Variants in ELMO1 observed in about 807,000 individuals in gnomAD.
The protein encoded by ELMO1 is engulfment and cell motility protein 1.
A neutral mutation model predicts 98.9 loss-of-function variants in ELMO1; 26 were observed. That is an observed-to-expected ratio of 0.26 (90% confidence interval 0.19 to 0.36). The LOEUF (loss-of-function observed/expected upper bound fraction) is 0.36, where lower values mean the gene tolerates loss of function less well. Ranked by LOEUF, ELMO1 falls within the 10% of genes least tolerant of loss-of-function variation. The pLI, the probability that ELMO1 is intolerant of heterozygous loss-of-function variation, is 1.00. For synonymous variants in ELMO1, 346 were observed against 346.0 expected (o/e 1.00, Z 0.00); for missense variants, 627 against 935.2 (o/e 0.67, Z 4.30).
intron 14 of ELMO1, among the ~76,000 whole-genome samples, chr7:37,120,793 G>A (rs1211126388): frequency 6.6e-6 from 1 of 152,204 alleles, no homozygotes; most frequent in Non-Finnish European, 1.5e-5. Context: ...CTCCCAGCAT[G>A]CAGCTTGAGA....
At chr7:37,312,668 C>G (rs1339781941) in intron 4 of ELMO1, among the ~76,000 whole-genome samples, 1 of 152,106 alleles carries the variant, frequency 6.6e-6, no homozygotes. Flanking sequence ...AGTCTGAGAA[C>G]CCCATCTTTA....
intron 1 of ELMO1, among the ~76,000 whole-genome samples, chr7:37,381,243 G>A (rs1432588127): frequency 6.6e-6 from 1 of 152,216 alleles, no homozygotes; most frequent in Non-Finnish European, 1.5e-5. Context: ...AGTGAGAACT[G>A]ATCCCAGATA....
intron 16 of ELMO1, among the ~76,000 whole-genome samples, chr7:36,933,985 G>C (rs1340512744): frequency 1.3e-5 from 2 of 152,194 alleles, no homozygotes; most frequent in Admixed American, 6.5e-5. Flanking sequence ...GTTTGGTATG[G>C]AAAGGTCTGA....
At chr7:37,103,177 G>A (rs1349966457) in intron 14 of ELMO1, among the ~76,000 whole-genome samples, 2 of 152,110 alleles carry the variant, frequency 1.3e-5, no homozygotes, top group South Asian at 2.1e-4. Context: ...TTACATAAAC[G>A]CTTGTTCCAA....
At chr7:37,440,858 A>C (rs1229853722) in intron 1 of ELMO1, among the ~76,000 whole-genome samples, 1 of 151,876 alleles carries the variant, frequency 6.6e-6, no homozygotes, top group African/African-American at 2.4e-5. Flanking sequence ...ACTGAGTGTT[A>C]TTGGAATTCA....
chr7:37,381,929 T>A lies in ELMO1; in HGVS notation c.-73-39166A>T, dbSNP rs141968122. Among the ~76,000 whole-genome samples the A allele has an allele frequency of 5.9e-3, 899 of 152,264 alleles. 16 individuals are homozygous for A. Among genetic ancestry groups the A allele is most frequent in the Non-Finnish European group, 4.1e-3 (277 of 68,030 alleles). On this transcript the variant is annotated intron_variant, in intron 1 of 21. Transcript: ENST00000310758. ...ATATTTTAAATTATATACTTTCAAG[T>A]TGACTCCTAAGGAGCCAAAAAGAAA...
chr7:37,087,246 A>G (rs888460669), intron 15 of ELMO1, among the ~76,000 whole-genome samples: 1 of 152,172 alleles, frequency 6.6e-6, no homozygotes, highest in Non-Finnish European at 1.5e-5. Flanking sequence ...TATTACCTAC[A>G]GTTTAAAATA....
chr7:37,358,359 T>G (rs1204799588), intron 1 of ELMO1, among the ~76,000 whole-genome samples: 2 of 152,160 alleles, frequency 1.3e-5, no homozygotes, highest in Non-Finnish European at 2.9e-5. Context: ...GACTCTATTG[T>G]GCCAAAACCA....
intron 2 of ELMO1, among the ~76,000 whole-genome samples, chr7:37,340,913 C>T (rs1800678512): frequency 6.6e-6 from 1 of 152,162 alleles, no homozygotes; most frequent in South Asian, 2.1e-4. Context: ...TTTACCAGAA[C>T]CACTAAATTA....
intron 15 of ELMO1, among the ~76,000 whole-genome samples, chr7:37,051,422 A>G (rs1796105792): frequency 1.3e-5 from 2 of 152,232 alleles, no homozygotes; most frequent in Non-Finnish European, 1.5e-5. Flanking sequence ...ATATTAAAAG[A>G]CTGGCTTAAA....
At chr7:37,265,079 C>T (rs767576202) in intron 5 of ELMO1, among the ~76,000 whole-genome samples, 3 of 152,122 alleles carry the variant, frequency 2.0e-5, no homozygotes, top group Non-Finnish European at 4.4e-5. Context: ...CTTTCTGCTG[C>T]CTCCCCTCCA....
chr7:37,103,893 A>G (rs981317309), intron 14 of ELMO1, among the ~76,000 whole-genome samples: 4 of 151,098 alleles, frequency 2.6e-5, no homozygotes, highest in African/African-American at 9.7e-5. Flanking sequence ...AGTCCCAGCT[A>G]CTTGGGAGGC....
At chr7:37,095,918 T>A (rs762531084) in intron 15 of ELMO1, among the ~76,000 whole-genome samples, 16 of 152,232 alleles carry the variant, frequency 1.1e-4, no homozygotes, top group Admixed American at 8.5e-4. Context: ...TTGGATGGAA[T>A]GGAAGTAAAC....
chr7:36,997,772 G>C (rs1792328997), intron 16 of ELMO1: 1 of 152,586 alleles, frequency 6.6e-6, no homozygotes, highest in African/African-American at 2.4e-5. Context: ...GAGGGCCTCA[G>C]GGAATGCCTG....
In ELMO1 at chr7:37,073,417, G is replaced by T. The variant is rs141332846; in HGVS notation, c.1300+23202C>A. On this transcript the variant is annotated intron_variant, in intron 15 of 21. Coordinates refer to ENST00000310758, the MANE Select transcript of ELMO1 (RefSeq NM_014800.11). ...GGATACAAATATAGATACAGTAGAG[G>T]CTAAAAGGGAACACATCACTATGCC... Among the ~76,000 whole-genome samples the T allele has an allele frequency of 9.0e-3, 1,363 of 152,226 alleles. 6 individuals are homozygous for T. The highest frequency in any genetic ancestry group is 0.014 in the Middle Eastern group (4 of 294).
intron 13 of ELMO1, among the ~76,000 whole-genome samples, chr7:37,176,341 T>C (rs903318263): frequency 6.6e-6 from 1 of 152,150 alleles, no homozygotes; most frequent in African/African-American, 2.4e-5. Flanking sequence ...TTCTTATAAA[T>C]GACAATGTGC....
chr7:36,921,185 T>C (rs1282632777), intron 16 of ELMO1, among the ~76,000 whole-genome samples: 1 of 152,172 alleles, frequency 6.6e-6, no homozygotes, highest in Non-Finnish European at 1.5e-5. Flanking sequence ...AAATTTTTGT[T>C]ATTTACAAAT....
intron 4 of ELMO1, among the ~76,000 whole-genome samples, chr7:37,290,292 G>C (rs1296451941): frequency 6.6e-6 from 1 of 152,084 alleles, no homozygotes; most frequent in Non-Finnish European, 1.5e-5. Context: ...AGAAACATTA[G>C]CTGATGTAAA....
intron 13 of ELMO1, among the ~76,000 whole-genome samples, chr7:37,199,705 G>A (rs1792174317): frequency 6.6e-6 from 1 of 152,190 alleles, no homozygotes; most frequent in Non-Finnish European, 1.5e-5. Context: ...CTCTTCACCT[G>A]AGACAGTGAC....
Sources: gnomAD v4.1 joint callset for allele counts (sites outside exome capture counted in the v4.1 genomes callset) on GRCh38, gnomAD v4.1.1 for gene constraint, MANE v1.5 for transcripts, NCBI Gene and HGNC (gene_info 2026-07-23, HGNC 2026-07-21) for gene names.